Variants in REEP6 observed in about 807,000 individuals in gnomAD.
The protein encoded by REEP6 is receptor expression-enhancing protein 6.
REEP6 carries 19 observed loss-of-function variants against 22.4 expected under a neutral mutation model. That is an observed-to-expected ratio of 0.85 (90% CI 0.59 to 1.25). REEP6 has a LOEUF of 1.25. Ranked by LOEUF, REEP6 falls within the 50% of genes most tolerant of loss-of-function variation. The pLI is 0.00. For synonymous variants in REEP6, 121 were observed against 113.6 expected (o/e 1.06, Z -0.41); for missense variants, 273 against 251.9 (o/e 1.08, Z -0.57).
Position 1,491,285 on chromosome 19 carries a change from C to A in REEP6, c.16C>A (p.Gln6Lys). The A allele has an allele frequency of 6.8e-7, 1 of 1,468,452 alleles. No homozygotes were observed. Among genetic ancestry groups the A allele is most frequent in the South Asian group, 1.3e-5 (1 of 74,742 alleles). 91.0% of individuals were successfully genotyped at this position (1,468,452 alleles called of 1,614,324 possible). A position where few individuals can be genotyped will look rare whatever the true frequency, so the allele number is the denominator to read the frequency against. The change falls in exon 1 of 5, where the codon CAG (glutamine) becomes AAG (lysine). Residue 6 changes from glutamine to lysine, a missense_variant. Gln to Lys is a moderately conservative substitution (Grantham distance 53, BLOSUM62 1). Coordinates refer to ENST00000233596, the MANE Select transcript of REEP6 (RefSeq NM_138393.4). The surrounding 1 kb of genome is among the most constrained non-coding windows in gnomAD (Gnocchi z 5.4). ...CGTCGGGGCCATGGACGGCCTGAGG[C>A]AGCGCGTGGAGCACTTCCTGGAGCA... is the stretch of plus-strand genomic sequence containing the variant. MDGLRQRVEHFLEQRN... is the reference protein window; with the variant it reads MDGLRKRVEHFLEQRN...
chr19:1,497,070 G>C lies in REEP6; in HGVS notation c.518-104G>C. On this transcript the variant is annotated intron_variant, in intron 4 of 4. Coordinates refer to ENST00000233596, the MANE Select transcript of REEP6 (RefSeq NM_138393.4). This position sits in a 1 kb window ranked among gnomAD's most constrained non-coding sequence, Gnocchi z 6.5. Reference sequence around the variant, plus strand: ...GCTGAGGGTGGCTGCCCGGCCCCTCGACTTGTCATGCTCATAGCCAGTAGC... The same window carrying C: ...GCTGAGGGTGGCTGCCCGGCCCCTCCACTTGTCATGCTCATAGCCAGTAGC... The C allele has an allele frequency of 3.0e-6, 3 of 993,598 alleles. No homozygotes were observed. Among genetic ancestry groups the C allele is most frequent in the Admixed American group, 3.1e-5 (1 of 31,914 alleles). 61.5% of individuals were successfully genotyped at this position (993,598 alleles called of 1,614,324 possible). A position where few individuals can be genotyped will look rare whatever the true frequency, so the allele number is the denominator to read the frequency against.
Position 1,497,498 on chromosome 19 carries a change from C to T in REEP6, c.*287C>T. 1.5e-6 allele frequency: 1 copy of T among 679,834 alleles called. No homozygotes were observed. The highest frequency in any genetic ancestry group is 2.8e-6 in the Non-Finnish European group (1 of 361,036). The allele number at this position is 679,834 out of a possible 1,614,324, so 42.1% of individuals were successfully genotyped here. On this transcript the variant is annotated 3_prime_UTR_variant, in exon 5 of 5. Transcript: ENST00000233596. This position sits in a 1 kb window ranked among gnomAD's most constrained non-coding sequence, Gnocchi z 6.5. ...AGGGCCAGCGTCGGGCACAGGGCAG[C>T]TCCCACTGGTCTCGGCAACACACCC... is the stretch of plus-strand genomic sequence containing the variant.
In REEP6 at chr19:1,491,549, GCCCTGCGA is replaced by G; in HGVS notation, c.115+172_115+179del. ...CGCCCGCAGCCCTTCCCTTGCCCGC[GCCCTGCGA>G]CCCTGCTCCCGGGCCACCCCTCTCT... On this transcript the variant is annotated intron_variant, in intron 1 of 4. Coordinates refer to ENST00000233596, the MANE Select transcript of REEP6 (RefSeq NM_138393.4). This position sits in a 1 kb window ranked among gnomAD's most constrained non-coding sequence, Gnocchi z 5.4. Among the ~76,000 whole-genome samples the G allele has an allele frequency of 6.6e-6, 1 of 152,156 alleles. No individual in the cohort carries two copies.
At chr19:1,492,143 C>G (rs1035291049) in intron 1 of REEP6, among the ~76,000 whole-genome samples, 2 of 152,182 alleles carry the variant, frequency 1.3e-5, no homozygotes, top group African/African-American at 4.8e-5. Flanking sequence ...GAGACCGAGT[C>G]TTGCTCTGCT....
At position 1,495,537 on chromosome 19, in the gene REEP6, C is replaced by T. The variant is rs1386720507; in HGVS notation, c.278C>T (p.Ala93Val). 1 of 1,614,082 alleles carries T rather than the reference C, an allele frequency of 6.2e-7. No individual in the cohort carries two copies. Among genetic ancestry groups the T allele is most frequent in the East Asian group, 2.2e-5 (1 of 44,888 alleles). Residue 93 changes from alanine (A) to valine (V), a missense_variant, in exon 3 of 5, where the codon GCC (alanine) becomes GTC (valine). Transcript: ENST00000233596. Reference protein sequence around the residue: ...TVWLTYWVVYALFGLAEFFSD... With the variant: ...TVWLTYWVVYVLFGLAEFFSD... The stretch of plus-strand genomic sequence containing the variant: ...TGGCTCACCTACTGGGTGGTGTACG[C>T]CCTGTTTGGGCTGGCCGAGTTCTTC...
At chr19:1,494,224 G>A (rs2084987641) in intron 1 of REEP6, among the ~76,000 whole-genome samples, 1 of 152,214 alleles carries the variant, frequency 6.6e-6, no homozygotes, top group African/African-American at 2.4e-5. Context: ...GCTGGTGAGT[G>A]CACACCCGAC....
Position 1,495,553 on chromosome 19 carries a change from C to A in REEP6, c.294C>A (p.Ala98=). ...TGGTGTACGCCCTGTTTGGGCTGGC[C>A]GAGTTCTTCAGCGATCTACTCCTGT... is the stretch of plus-strand genomic sequence containing the variant. ...YWVVYALFGL[A]EFFSDLLLSW... Residue 98 remains alanine (A), a synonymous_variant, in exon 3 of 5, where the codon GCC becomes GCA. Transcript: ENST00000233596. The A allele has an allele frequency of 6.2e-7, 1 of 1,614,086 alleles. No homozygotes were observed. Among genetic ancestry groups the A allele is most frequent in the Non-Finnish European group, 8.5e-7 (1 of 1,180,018 alleles).
chr19:1,496,173 G>C, intron 3 of REEP6, 112 bp from the exon 4 acceptor site: 1 of 1,305,688 alleles, frequency 7.7e-7, no homozygotes, highest in South Asian at 1.5e-5. Flanking sequence ...GTCTGATGGT[G>C]GAGACCCAGT....
At chr19:1,495,924 G>A in intron 3 of REEP6, 1 of 542,552 alleles carries the variant, frequency 1.8e-6, no homozygotes, top group Non-Finnish European at 3.3e-6. Flanking sequence ...TGCTCAAATA[G>A]GATGTCTGAT....
rs760024961 is a variant in REEP6 at position 1,497,376 on chromosome 19, A to AAGTCCC, written c.*177_*182dup. The AAGTCCC allele has an allele frequency of 1.3e-6, 1 of 741,622 alleles. No homozygotes were observed. The highest frequency in any genetic ancestry group is 2.0e-5 in the Admixed American group (1 of 49,982). The allele number at this position is 741,622 out of a possible 1,614,324, so 45.9% of individuals were successfully genotyped here. A position where few individuals can be genotyped will look rare whatever the true frequency, so the allele number is the denominator to read the frequency against. ...GGTCTCCTTAAATGCCACCTCGGGC[A>AAGTCCC]AGTCCCAGTCCCAGTCCTCGGCCAC... is the stretch of plus-strand genomic sequence containing the variant. On this transcript the variant is annotated 3_prime_UTR_variant, in exon 5 of 5. Coordinates refer to ENST00000233596, the MANE Select transcript of REEP6 (RefSeq NM_138393.4). This position sits in a 1 kb window ranked among gnomAD's most constrained non-coding sequence, Gnocchi z 6.5.
At position 1,497,442 on chromosome 19, in the gene REEP6, G is replaced by A. The variant is rs904462193; in HGVS notation, c.*231G>A. On this transcript the variant is annotated 3_prime_UTR_variant, in exon 5 of 5. Coordinates refer to ENST00000233596, the MANE Select transcript of REEP6 (RefSeq NM_138393.4). The surrounding 1 kb of genome is among the most constrained non-coding windows in gnomAD (Gnocchi z 6.5). ...CCAGGGCCAGCTGCCCTCTGGCTCT[G>A]GCTGTGGCTCCCGCCTGTCCGGCAG... 7 of 709,074 alleles carry A rather than the reference G, an allele frequency of 9.9e-6. No individual in the cohort carries two copies. In the Admixed American group the frequency reaches 1.2e-4, roughly 12 times the overall value. 43.9% of individuals were successfully genotyped at this position (709,074 alleles called of 1,614,324 possible). A position where few individuals can be genotyped will look rare whatever the true frequency, so the allele number is the denominator to read the frequency against.
Position 1,497,162 on chromosome 19 carries a change from CTCTCTCTGCAGTCAAGCCAAGCCAGA to C in REEP6, c.518-11_532del. Reference sequence around the variant, plus strand: ...CCTCACGGCCCTCCCCCACCCGCCCCTCTCTCTGCAGTCAAGCCAAGCCAGACCCCGCAGCCGAAGGACAAGTGAAG... The same window carrying C: ...CCTCACGGCCCTCCCCCACCCGCCCCCCCCGCAGCCGAAGGACAAGTGAAG... On this transcript the variant is annotated splice_acceptor_variant and splice_polypyrimidine_tract_variant and coding_sequence_variant and intron_variant, in exon 5 of 5. Coordinates refer to ENST00000233596, the MANE Select transcript of REEP6 (RefSeq NM_138393.4). LOFTEE classifies it high-confidence loss of function. The surrounding 1 kb of genome is among the most constrained non-coding windows in gnomAD (Gnocchi z 6.5). The C allele has an allele frequency of 6.9e-7, 1 of 1,440,570 alleles. No individual in the cohort carries two copies. The highest frequency in any genetic ancestry group is 9.1e-7 in the Non-Finnish European group (1 of 1,093,194). 89.2% of individuals were successfully genotyped at this position (1,440,570 alleles called of 1,614,324 possible). A position where few individuals can be genotyped will look rare whatever the true frequency, so the allele number is the denominator to read the frequency against.
At chr19:1,495,215 G>C in intron 1 of REEP6, 79 bp from the exon 2 acceptor site, 2 of 1,409,742 alleles carry the variant, frequency 1.4e-6, no homozygotes, top group Non-Finnish European at 2.0e-6. Context: ...AGTCTTCGTC[G>C]ACTGAAAGGC....
At position 1,497,367 on chromosome 19, in the gene REEP6, A is replaced by T; in HGVS notation, c.*156A>T. 1.3e-6 allele frequency: 1 copy of T among 757,556 alleles called. No individual in the cohort carries two copies. Among genetic ancestry groups the T allele is most frequent in the Non-Finnish European group, 2.4e-6 (1 of 423,030 alleles). The allele number at this position is 757,556 out of a possible 1,614,324, so 46.9% of individuals were successfully genotyped here. On this transcript the variant is annotated 3_prime_UTR_variant, in exon 5 of 5. Transcript: ENST00000233596. This position sits in a 1 kb window ranked among gnomAD's most constrained non-coding sequence, Gnocchi z 6.5. ...GGCCCTGGGGGTCTCCTTAAATGCC[A>T]CCTCGGGCAAGTCCCAGTCCCAGTC...
Position 1,491,404 on chromosome 19 carries a change from C to A in REEP6, c.115+20C>A. 1 of 1,390,216 alleles carries A rather than the reference C, an allele frequency of 7.2e-7. No individual in the cohort carries two copies. Among genetic ancestry groups the A allele is most frequent in the Non-Finnish European group, 9.4e-7 (1 of 1,066,280 alleles). The allele number at this position is 1,390,216 out of a possible 1,614,324, so 86.1% of individuals were successfully genotyped here. A position where few individuals can be genotyped will look rare whatever the true frequency, so the allele number is the denominator to read the frequency against. ...CTGCAGGTGAGCCGTCGGCGCTAGC[C>A]CGTTTCGCCGACGGGCACACCGAGG... On this transcript the variant is annotated intron_variant, in intron 1 of 4. Coordinates refer to ENST00000233596, the MANE Select transcript of REEP6 (RefSeq NM_138393.4). This position sits in a 1 kb window ranked among gnomAD's most constrained non-coding sequence, Gnocchi z 5.4.
In REEP6 at chr19:1,491,510, G is replaced by T; in HGVS notation, c.115+126G>T. 1.8e-6 allele frequency: 1 copy of T among 550,992 alleles called. No homozygotes were observed. The allele number at this position is 550,992 out of a possible 1,614,324, so 34.1% of individuals were successfully genotyped here. ...GGCCGGTGGAGCGCGCGAGGTGACT[G>T]GGACCTCGAGGTCCGCCCGCAGCCC... is the stretch of plus-strand genomic sequence containing the variant. On this transcript the variant is annotated intron_variant, in intron 1 of 4. Coordinates refer to ENST00000233596, the MANE Select transcript of REEP6 (RefSeq NM_138393.4). The surrounding 1 kb of genome is among the most constrained non-coding windows in gnomAD (Gnocchi z 5.4).
Position 1,491,512 on chromosome 19 carries a change from G to A in REEP6, c.115+128G>A, listed in dbSNP as rs2084939434. On this transcript the variant is annotated intron_variant, in intron 1 of 4. Transcript: ENST00000233596. This position sits in a 1 kb window ranked among gnomAD's most constrained non-coding sequence, Gnocchi z 5.4. Reference sequence around the variant, plus strand: ...CCGGTGGAGCGCGCGAGGTGACTGGGACCTCGAGGTCCGCCCGCAGCCCTT... The same window carrying A: ...CCGGTGGAGCGCGCGAGGTGACTGGAACCTCGAGGTCCGCCCGCAGCCCTT... 3.6e-6 allele frequency: 2 copies of A among 550,120 alleles called. No individual in the cohort carries two copies. Among genetic ancestry groups the A allele is most frequent in the Admixed American group, 4.4e-5 (1 of 22,834 alleles). The allele number at this position is 550,120 out of a possible 1,614,324, so 34.1% of individuals were successfully genotyped here.
intron 4 of REEP6, chr19:1,496,727 C>CGCGT: frequency 1.5e-6 from 1 of 658,504 alleles, no homozygotes; most frequent in Non-Finnish European, 2.8e-6. Flanking sequence ...TGCGCGCGCG[C>CGCGT]GCGCGTGTGT....
chr19:1,496,727 C>T (rs1451640888), intron 4 of REEP6: 10 of 658,506 alleles, frequency 1.5e-5, no homozygotes, highest in East Asian at 5.8e-5. Flanking sequence ...TGCGCGCGCG[C>T]GCGCGTGTGT....
Sources: allele counts gnomAD v4.1 joint callset (sites outside exome capture counted in the v4.1 genomes callset), GRCh38; gene constraint gnomAD v4.1.1; non-coding constraint Gnocchi (gnomAD v3.1); transcripts MANE v1.5; gene names NCBI Gene and HGNC (gene_info 2026-07-23, HGNC 2026-07-21).